ADGB: variants seen among roughly 807,000 people sequenced by gnomAD.
The protein encoded by ADGB is calpain-7-like protein.
Under a neutral mutation model 210.5 loss-of-function variants are expected in ADGB, and 172 were observed. The ratio of observed to expected loss-of-function variants is 0.82; its 90% CI spans 0.72 to 0.93. The LOEUF is 0.93. ADGB is among the 40% of genes least tolerant of loss of function. ADGB has a pLI of 0.00. For synonymous variants in ADGB, 658 were observed against 662.7 expected, an observed-to-expected ratio of 0.99 and a Z score of 0.11; for missense variants, 2,025 against 1,964.8, an observed-to-expected ratio of 1.03 and a Z score of -0.58.
chr6:146,751,818 G>A (rs1054378293), intron 26 of ADGB, among the ~76,000 whole-genome samples: 6 of 151,924 alleles, frequency 3.9e-5, no homozygotes, highest in African/African-American at 1.4e-4. Flanking sequence ...GGGCTATCAA[G>A]TTTTATAAGT....
At chr6:146,689,867 A>C (rs1262229734) in intron 10 of ADGB, among the ~76,000 whole-genome samples, 1 of 152,152 alleles carries the variant, frequency 6.6e-6, no homozygotes, top group Non-Finnish European at 1.5e-5. Flanking sequence ...ACATCTATGA[A>C]AAAGTTTTTT....
At chr6:146,636,279 G>A (rs1003793208) in intron 2 of ADGB, among the ~76,000 whole-genome samples, 3 of 152,004 alleles carry the variant, frequency 2.0e-5, no homozygotes, top group Non-Finnish European at 4.4e-5. Context: ...GAAGGGTTTA[G>A]TTGAACTTTA....
intron 16 of ADGB, among the ~76,000 whole-genome samples, chr6:146,719,506 T>C (rs1776785803): frequency 6.6e-6 from 1 of 152,316 alleles, no homozygotes; most frequent in Admixed American, 6.5e-5. Context: ...TTAATGGCAT[T>C]TAGCATGGCC....
At chr6:146,722,553 C>A (rs1296277114) in intron 17 of ADGB, among the ~76,000 whole-genome samples, 1 of 152,178 alleles carries the variant, frequency 6.6e-6, no homozygotes, top group Non-Finnish European at 1.5e-5. Context: ...TTGAGGAGCA[C>A]AAATCTCAAC....
chr6:146,775,275 C>T (rs954731275), intron 29 of ADGB, among the ~76,000 whole-genome samples: 42 of 151,744 alleles, frequency 2.8e-4, no homozygotes, highest in African/African-American at 9.5e-4. Flanking sequence ...TTCAAAAATT[C>T]ATGTCTTTAT....
At chr6:146,699,477 C>A (rs1776457783) in intron 12 of ADGB, among the ~76,000 whole-genome samples, 1 of 152,138 alleles carries the variant, frequency 6.6e-6, no homozygotes, top group Admixed American at 6.6e-5. Flanking sequence ...CTGTCACTTT[C>A]TTCTGCCCAG....
At chr6:146,638,618 G>T (rs58828753) in intron 2 of ADGB, among the ~76,000 whole-genome samples, 3 of 27,078 alleles carry the variant, frequency 1.1e-4, no homozygotes, top group East Asian at 3.1e-3. Context: ...GTGGGGGGGG[G>T]GGGGAGGGAT....
intron 6 of ADGB, 76 bp downstream of exon 6, chr6:146,664,416 T>G: frequency 7.3e-7 from 1 of 1,364,104 alleles, no homozygotes; most frequent in East Asian, 2.7e-5. Context: ...TATTGCATAA[T>G]TTATTTTTTT....
intron 25 of ADGB, among the ~76,000 whole-genome samples, chr6:146,743,376 A>T (rs1013450193): frequency 1.3e-5 from 2 of 152,170 alleles, no homozygotes; most frequent in African/African-American, 4.8e-5. Context: ...TACATCTAGC[A>T]TACCTCCTTG....
intron 27 of ADGB, among the ~76,000 whole-genome samples, chr6:146,758,594 A>C (rs1777442946): frequency 6.6e-6 from 1 of 152,046 alleles, no homozygotes; most frequent in Non-Finnish European, 1.5e-5. Flanking sequence ...TGGAAGAGTA[A>C]CTGGGTCAGA....
chr6:146,686,543 T>A (rs1776236812), intron 10 of ADGB, among the ~76,000 whole-genome samples: 1 of 152,128 alleles, frequency 6.6e-6, no homozygotes, highest in Non-Finnish European at 1.5e-5. Flanking sequence ...TAACATTTTT[T>A]TCATGATGTT....
intron 19 of ADGB, among the ~76,000 whole-genome samples, chr6:146,727,561 G>T (rs1776915209): frequency 6.6e-6 from 1 of 151,988 alleles, no homozygotes; most frequent in African/African-American, 2.4e-5. Context: ...ATCTCCCCAG[G>T]TGTTTATTTA....
intron 32 of ADGB, 113 bp downstream of exon 32, chr6:146,785,825 G>T: frequency 1.3e-6 from 1 of 760,014 alleles, no homozygotes; most frequent in Non-Finnish European, 2.1e-6. Context: ...TCAGAATCTC[G>T]TTTCTTGAGG....
At chr6:146,780,928 T>G (rs1005015304) in intron 29 of ADGB, among the ~76,000 whole-genome samples, 1 of 152,104 alleles carries the variant, frequency 6.6e-6, no homozygotes, top group Non-Finnish European at 1.5e-5. Context: ...TTCTGCAATA[T>G]AGACCATGTA....
At chr6:146,648,597 AACTC>A (rs1204760775) in intron 3 of ADGB, among the ~76,000 whole-genome samples, 3 of 152,048 alleles carry the variant, frequency 2.0e-5, no homozygotes, top group Non-Finnish European at 2.9e-5. Context: ...ATCTCATGAG[AACTC>A]ACTCACGATG....
chr6:146,690,434 T>C (rs1475307195), intron 10 of ADGB, among the ~76,000 whole-genome samples: 2 of 152,244 alleles, frequency 1.3e-5, no homozygotes, highest in East Asian at 1.9e-4. Flanking sequence ...GGCTATAGTG[T>C]ATATCACTTT....
At chr6:146,738,423 C>T (rs942254000) in intron 23 of ADGB, among the ~76,000 whole-genome samples, 3 of 136,798 alleles carry the variant, frequency 2.2e-5, no homozygotes, top group Admixed American at 7.5e-5. Flanking sequence ...GAATCCCATT[C>T]GAATCCCATT....
intron 7 of ADGB, among the ~76,000 whole-genome samples, chr6:146,667,638 G>C (rs894594919): frequency 9.2e-5 from 14 of 151,964 alleles, no homozygotes; most frequent in African/African-American, 3.4e-4. Context: ...TTTAAACAAT[G>C]GTAATTATTT....
chr6:146,601,259 T>C (rs1780552663), intron 1 of ADGB, among the ~76,000 whole-genome samples: 1 of 152,198 alleles, frequency 6.6e-6, no homozygotes, highest in Admixed American at 6.5e-5. Flanking sequence ...AACATGTTTT[T>C]TTTCTAGAAA....
Sources: gnomAD v4.1 joint callset for allele counts (sites outside exome capture counted in the v4.1 genomes callset) on GRCh38, gnomAD v4.1.1 for gene constraint, MANE v1.5 for transcripts, NCBI Gene and HGNC (gene_info 2026-07-23, HGNC 2026-07-21) for gene names.